Variants in MGAT4C observed in about 807,000 individuals in gnomAD.
MGAT4C encodes the protein alpha-1,3-mannosyl-glycoprotein 4-beta-N-acetylglucosaminyltransferase C.
Under a neutral mutation model 40.1 loss-of-function variants are expected in MGAT4C, and 19 were observed. That is an observed-to-expected ratio of 0.47 (90% confidence interval 0.33 to 0.70). The LOEUF is 0.70. MGAT4C is among the 30% of genes least tolerant of loss of function. The pLI is 0.02. For synonymous variants in MGAT4C, 181 were observed against 187.1 expected, an observed-to-expected ratio of 0.97 and a Z score of 0.27; for missense variants, 491 against 563.2, an observed-to-expected ratio of 0.87 and a Z score of 1.30.
At chr12:86,322,750 G>A (rs1954426597) in intron 4 of MGAT4C, among the ~76,000 whole-genome samples, 1 of 151,930 alleles carries the variant, frequency 6.6e-6, no homozygotes, top group Non-Finnish European at 1.5e-5. Flanking sequence ...ATTTTTACAA[G>A]TCCAATAACG....
intron 2 of MGAT4C, among the ~76,000 whole-genome samples, chr12:86,600,325 G>A (rs1392844285): frequency 6.6e-6 from 1 of 152,192 alleles, no homozygotes; most frequent in Non-Finnish European, 1.5e-5. Flanking sequence ...GTGGGTATAG[G>A]TGGGACGTGC....
intron 2 of MGAT4C, among the ~76,000 whole-genome samples, chr12:86,669,334 T>C (rs537782783): frequency 6.6e-6 from 1 of 152,268 alleles, no homozygotes; most frequent in East Asian, 1.9e-4. Context: ...GGGCCCTCTC[T>C]GTCATAAGCC....
intron 2 of MGAT4C, among the ~76,000 whole-genome samples, chr12:86,532,930 C>T (rs144948082): frequency 4.5e-4 from 69 of 152,004 alleles, no homozygotes; most frequent in African/African-American, 5.8e-4. Flanking sequence ...ATTACAGAGA[C>T]GATTTATTAT....
At chr12:86,479,767 A>G (rs1231024849) in intron 2 of MGAT4C, among the ~76,000 whole-genome samples, 1 of 151,884 alleles carries the variant, frequency 6.6e-6, no homozygotes, top group Non-Finnish European at 1.5e-5. Flanking sequence ...AGTTACCTAC[A>G]TCTAGCTGCA....
At chr12:85,996,385 C>T (rs570394093) in intron 2 of MGAT4C, among the ~76,000 whole-genome samples, 11 of 152,066 alleles carry the variant, frequency 7.2e-5, no homozygotes, top group East Asian at 1.9e-4. Context: ...AAAGATACAA[C>T]GGTAGAAATA....
At chr12:86,666,732 A>G (rs1416612359) in intron 2 of MGAT4C, among the ~76,000 whole-genome samples, 1 of 152,136 alleles carries the variant, frequency 6.6e-6, no homozygotes, top group Non-Finnish European at 1.5e-5. Flanking sequence ...TTTTTTCCTG[A>G]GGTATTATGA....
chr12:86,706,046 T>A (rs1175672189), intron 2 of MGAT4C, among the ~76,000 whole-genome samples: 1 of 152,168 alleles, frequency 6.6e-6, no homozygotes, highest in Non-Finnish European at 1.5e-5. Context: ...ACAAGGTCCA[T>A]AAGTAGGCCT....
chr12:86,356,932 G>A (rs1350554305), intron 3 of MGAT4C, among the ~76,000 whole-genome samples: 1 of 152,186 alleles, frequency 6.6e-6, no homozygotes, highest in Non-Finnish European at 1.5e-5. Flanking sequence ...AGAAACTTCT[G>A]CAGACTTAAA....
intron 2 of MGAT4C, among the ~76,000 whole-genome samples, chr12:86,562,592 A>G (rs758983602): frequency 5.3e-5 from 8 of 152,190 alleles, no homozygotes; most frequent in Non-Finnish European, 8.8e-5. Flanking sequence ...ATTTCCAGGC[A>G]AGACAATGCT....
At chr12:86,302,402 TTGGTTGG>T (rs1953834888) in intron 4 of MGAT4C, among the ~76,000 whole-genome samples, 2 of 145,946 alleles carry the variant, frequency 1.4e-5, no homozygotes, top group Admixed American at 1.3e-4. Flanking sequence ...GTTTGTTTGG[TTGGTTGG>T]TTGGTTGGTT....
Position 86,822,818 on chromosome 12 carries a change from C to T in MGAT4C, c.-262+15848G>A, listed in dbSNP as rs187269523. On this transcript the variant is annotated intron_variant, in intron 1 of 7. Transcript: ENST00000548651. ...AACACTATCAACTAACTGGACCTAA[C>T]AGATATATACTAAATATTCTACCTA... Among the ~76,000 whole-genome samples, 681 of 151,170 alleles carry T rather than the reference C, an allele frequency of 4.5e-3. 4 individuals are homozygous for T. Among genetic ancestry groups the T allele is most frequent in the Non-Finnish European group, 5.9e-3 (398 of 67,384 alleles).
chr12:86,168,756 T>C (rs1886464225), intron 1 of MGAT4C, among the ~76,000 whole-genome samples: 2 of 152,140 alleles, frequency 1.3e-5, no homozygotes, highest in Non-Finnish European at 2.9e-5. Flanking sequence ...AAAGAGTGGA[T>C]GAAACCATGT....
At chr12:86,726,780 A>G (rs966864726) in intron 2 of MGAT4C, among the ~76,000 whole-genome samples, 3 of 152,176 alleles carry the variant, frequency 2.0e-5, no homozygotes, top group African/African-American at 7.2e-5. Context: ...TGGTGATTAT[A>G]GCTAATTATT....
chr12:86,394,551 AT>A (rs1956216754), intron 3 of MGAT4C, among the ~76,000 whole-genome samples: 1 of 142,484 alleles, frequency 7.0e-6, no homozygotes, highest in African/African-American at 2.6e-5. Context: ...ATTTATATAT[AT>A]TTATATATTT....
intron 2 of MGAT4C, among the ~76,000 whole-genome samples, chr12:86,538,677 G>A (rs1178418417): frequency 7.0e-6 from 1 of 142,118 alleles, no homozygotes; most frequent in Non-Finnish European, 1.5e-5. Context: ...GCACTATCTT[G>A]GCTCACTGCA....
At chr12:86,448,854 T>G (rs80253848) in intron 2 of MGAT4C, among the ~76,000 whole-genome samples, 4 of 152,284 alleles carry the variant, frequency 2.6e-5, no homozygotes, top group Non-Finnish European at 5.9e-5. Context: ...TCATTAAAGC[T>G]TTGAGTCTTG....
intron 1 of MGAT4C, among the ~76,000 whole-genome samples, chr12:86,191,753 T>TAG (rs1448788936): frequency 7.3e-6 from 1 of 136,466 alleles, no homozygotes; most frequent in Non-Finnish European, 1.6e-5. Flanking sequence ...GAGATAAAGG[T>TAG]GTGTGTGTGT....
At chr12:86,838,024 C>A (rs1210769577) in intron 1 of MGAT4C, among the ~76,000 whole-genome samples, 2 of 152,092 alleles carry the variant, frequency 1.3e-5, no homozygotes, top group Non-Finnish European at 2.9e-5. Context: ...ACTAACAGAA[C>A]AAAGTTAAAT....
chr12:86,319,445 T>C lies in MGAT4C; in HGVS notation c.-57+14620A>G, dbSNP rs974722258. Among the ~76,000 whole-genome samples, 11 of 152,304 alleles carry C rather than the reference T, an allele frequency of 7.2e-5. No homozygotes were observed. In the East Asian group the frequency reaches 1.7e-3, roughly 24 times the overall value. On this transcript the variant is annotated intron_variant, in intron 4 of 7. Transcript: ENST00000548651. ...AAAGAAGCAGTGAATAATTCCTTCA[T>C]GTCATTCAGATCTAAGTTTAAATAC...
Sources: gnomAD v4.1 joint callset for allele counts (sites outside exome capture counted in the v4.1 genomes callset) on GRCh38, gnomAD v4.1.1 for gene constraint, MANE v1.5 for transcripts, NCBI Gene and HGNC (gene_info 2026-07-23, HGNC 2026-07-21) for gene names.